Variants in TSPAN12 observed in about 807,000 individuals in gnomAD.
TSPAN12 encodes the protein tetraspanin 12.
Under a neutral mutation model 39.2 loss-of-function variants are expected in TSPAN12, and 19 were observed. The ratio of observed to expected loss-of-function variants is 0.49; its 90% CI spans 0.34 to 0.71. The LOEUF (loss-of-function observed/expected upper bound fraction) is 0.71, where lower values mean the gene tolerates loss of function less well. Among genes scored for constraint, TSPAN12 ranks in the 30% least tolerant of loss-of-function variants. The probability of loss-of-function intolerance (pLI) is 0.01; values close to 1 mark genes in which losing one functional copy is unlikely to be tolerated. For synonymous variants in TSPAN12, 119 were observed against 124.8 expected (o/e 0.95, Z 0.31); for missense variants, 314 against 359.9 (o/e 0.87, Z 1.03).
chr7:120,848,304 C>G (rs1794710564), intron 2 of TSPAN12, among the ~76,000 whole-genome samples: 1 of 152,124 alleles, frequency 6.6e-6, no homozygotes, highest in South Asian at 2.1e-4. Context: ...TCCATCTCAT[C>G]CCAGTAGAGG....
intron 4 of TSPAN12, among the ~76,000 whole-genome samples, chr7:120,825,435 C>A (rs1794268433): frequency 6.6e-6 from 1 of 152,120 alleles, no homozygotes; most frequent in African/African-American, 2.4e-5. Flanking sequence ...ATATAACACA[C>A]TTTACTGGAC....
Position 120,800,844 on chromosome 7 carries a change from G to GTTCACCTCCCAGGTTTAAGTGATTCTCC in TSPAN12, c.612+5677_612+5704dup, listed in dbSNP as rs368071360. Among the ~76,000 whole-genome samples the GTTCACCTCCCAGGTTTAAGTGATTCTCC allele has an allele frequency of 2.8e-5, 4 of 143,830 alleles. No individual in the cohort carries two copies. The South Asian group carries it at 9.5e-4, about 34-fold the overall frequency. The allele number at this position is 143,830 out of a possible 152,430, so 94.4% of individuals were successfully genotyped here. A position where few individuals can be genotyped will look rare whatever the true frequency, so the allele number is the denominator to read the frequency against. ...GCTCACTGCAACCTTCACCGCCTAG[G>GTTCACCTCCCAGGTTTAAGTGATTCTCC]TTCACCTCCCAGGTTTAAGTGATTC... is the stretch of plus-strand genomic sequence containing the variant. On this transcript the variant is annotated intron_variant, in intron 7 of 7. Coordinates refer to ENST00000222747, the MANE Select transcript of TSPAN12 (RefSeq NM_012338.4).
At chr7:120,832,268 G>A (rs1794403737) in intron 4 of TSPAN12, among the ~76,000 whole-genome samples, 1 of 152,050 alleles carries the variant, frequency 6.6e-6, no homozygotes, top group Non-Finnish European at 1.5e-5. Context: ...CCGCTTAAAT[G>A]TGAATTATCA....
intron 7 of TSPAN12, among the ~76,000 whole-genome samples, chr7:120,791,701 T>C (rs1793526445): frequency 6.6e-6 from 1 of 152,234 alleles, no homozygotes; most frequent in Admixed American, 6.5e-5. Flanking sequence ...CAGTTTATCA[T>C]GTTTCATATC....
At chr7:120,802,208 G>A (rs760474661) in intron 7 of TSPAN12, among the ~76,000 whole-genome samples, 2 of 152,138 alleles carry the variant, frequency 1.3e-5, no homozygotes, top group East Asian at 1.9e-4. Context: ...CTTACACCTC[G>A]CATTTAGAGT....
intron 4 of TSPAN12, among the ~76,000 whole-genome samples, chr7:120,834,229 G>T (rs1794437857): frequency 1.3e-5 from 2 of 151,968 alleles, no homozygotes; most frequent in African/African-American, 4.8e-5. Flanking sequence ...TCTAAACATT[G>T]CATGGGATAT....
intron 7 of TSPAN12, among the ~76,000 whole-genome samples, chr7:120,797,740 C>A (rs28545438): frequency 0.02 from 3,038 of 152,246 alleles, 105 homozygotes; most frequent in African/African-American, 0.068. Context: ...CTCCCCACAG[C>A]CAATTTATAA....
intron 3 of TSPAN12, 116 bp downstream of exon 3, chr7:120,839,911 A>C: frequency 1.3e-6 from 1 of 785,020 alleles, no homozygotes. Context: ...AAAGGTTGCT[A>C]TGGGCAGGAA....
intron 7 of TSPAN12, among the ~76,000 whole-genome samples, chr7:120,792,231 A>C (rs1321695856): frequency 6.6e-6 from 1 of 152,160 alleles, no homozygotes; most frequent in Non-Finnish European, 1.5e-5. Flanking sequence ...CAGCTCCTTC[A>C]AGGCGCCTCT....
At chr7:120,848,240 G>A (rs1181465057) in intron 2 of TSPAN12, among the ~76,000 whole-genome samples, 1 of 152,056 alleles carries the variant, frequency 6.6e-6, no homozygotes, top group African/African-American at 2.4e-5. Context: ...CCCTCTTAAT[G>A]CTCTTTGCAA....
intron 4 of TSPAN12, among the ~76,000 whole-genome samples, chr7:120,828,466 T>C (rs552071498): frequency 1.3e-5 from 2 of 152,264 alleles, no homozygotes; most frequent in East Asian, 3.9e-4. Context: ...TCCAGTGTTA[T>C]CACAATTGTT....
chr7:120,829,856 G>C (rs534829283), intron 4 of TSPAN12, among the ~76,000 whole-genome samples: 1 of 151,936 alleles, frequency 6.6e-6, no homozygotes, highest in Non-Finnish European at 1.5e-5. Context: ...AAATGCTTAC[G>C]GTGACATAGT....
chr7:120,844,324 A>T (rs1350029707), intron 2 of TSPAN12, among the ~76,000 whole-genome samples: 1 of 152,142 alleles, frequency 6.6e-6, no homozygotes, highest in East Asian at 1.9e-4. Context: ...TCCTTTTCAC[A>T]TTCCAAAATA....
intron 7 of TSPAN12, among the ~76,000 whole-genome samples, chr7:120,803,741 A>G (rs564482033): frequency 4.6e-5 from 7 of 152,318 alleles, no homozygotes; most frequent in Non-Finnish European, 8.8e-5. Flanking sequence ...AAATTTCAAA[A>G]TAATCTGGGC....
intron 2 of TSPAN12, among the ~76,000 whole-genome samples, chr7:120,849,385 G>T (rs73427815): frequency 1.3e-5 from 2 of 152,088 alleles, no homozygotes; most frequent in African/African-American, 4.8e-5. Context: ...ATGTGTATGC[G>T]CATTTCCTAA....
intron 4 of TSPAN12, among the ~76,000 whole-genome samples, chr7:120,837,615 G>T (rs995656457): frequency 2.6e-5 from 4 of 152,138 alleles, no homozygotes; most frequent in African/African-American, 7.2e-5. Flanking sequence ...CCCGGCCTGA[G>T]TGTGCTTTAT....
At chr7:120,799,414 TATA>T (rs1405681599) in intron 7 of TSPAN12, among the ~76,000 whole-genome samples, 6 of 140,820 alleles carry the variant, frequency 4.3e-5, no homozygotes, top group African/African-American at 1.0e-4. Flanking sequence ...AAATATTTAT[TATA>T]ATATTTAATT....
At chr7:120,813,541 T>C (rs949881583) in intron 5 of TSPAN12, among the ~76,000 whole-genome samples, 2 of 152,250 alleles carry the variant, frequency 1.3e-5, no homozygotes, top group East Asian at 1.9e-4. Context: ...TTAATTCATT[T>C]TGAACTTGCT....
chr7:120,815,677 T>C, intron 5 of TSPAN12, 52 bp downstream of exon 5: 2 of 1,508,174 alleles, frequency 1.3e-6, no homozygotes, highest in Non-Finnish European at 1.8e-6. Context: ...GTATCTAATT[T>C]AAAAGGCTGA....
Sources: gnomAD v4.1 joint callset for allele counts (sites outside exome capture counted in the v4.1 genomes callset) on GRCh38, gnomAD v4.1.1 for gene constraint, MANE v1.5 for transcripts, NCBI Gene and HGNC (gene_info 2026-07-23, HGNC 2026-07-21) for gene names.